Variants in HHIPL1 observed in about 807,000 individuals in gnomAD.
HHIPL1 encodes the protein HHIP-like protein 1.
HHIPL1 carries 43 observed loss-of-function variants against 61.8 expected under a neutral mutation model. The observed-to-expected ratio is 0.70, with a 90% CI of 0.55 to 0.90. The LOEUF (loss-of-function observed/expected upper bound fraction) is 0.90, where lower values mean the gene tolerates loss of function less well. Among genes scored for constraint, HHIPL1 ranks in the 40% least tolerant of loss-of-function variants. HHIPL1 has a pLI of 0.00. For missense variants in HHIPL1, 1,056 were observed against 1,157.7 expected (o/e 0.91, Z 1.28); for synonymous variants, 482 against 515.8 (o/e 0.93, Z 0.89).
At chr14:99,672,796 G>A (rs1281473668) in intron 8 of HHIPL1, among the ~76,000 whole-genome samples, 1 of 152,196 alleles carries the variant, frequency 6.6e-6, no homozygotes, top group East Asian at 1.9e-4. Flanking sequence ...AGACGACAGA[G>A]CAGGGCCACA....
rs2056414633 is a variant in HHIPL1, at chr14:99,678,832, C to A, written c.*3206C>A. 1 of 152,156 alleles carries A rather than the reference C, an allele frequency of 6.6e-6. No individual in the cohort carries two copies. The highest frequency in any genetic ancestry group is 1.5e-5 in the Non-Finnish European group (1 of 68,034). 9.4% of individuals were successfully genotyped at this position (152,156 alleles called of 1,614,324 possible). The stretch of plus-strand genomic sequence containing the variant: ...TTGACAAAGAGTTATTAGCATAAAG[C>A]AAGGAGGTTTGAAGGAAGTTCGTCT... On this transcript the variant is annotated 3_prime_UTR_variant, in exon 9 of 9. Coordinates refer to ENST00000330710, the MANE Select transcript of HHIPL1 (RefSeq NM_001127258.3).
chr14:99,614,291 T>C, the HHIPL1 span, among the ~76,000 whole-genome samples: 7 of 152,110 alleles, frequency 4.6e-5, no homozygotes, highest in East Asian at 1.4e-3. Flanking sequence ...GTCTGAAAAC[T>C]GAACTGAAGA....
the HHIPL1 span, among the ~76,000 whole-genome samples, chr14:99,638,267 C>A: frequency 4.6e-5 from 7 of 152,280 alleles, no homozygotes; most frequent in African/African-American, 9.6e-5. Context: ...CTAAGAGTGG[C>A]GGAGGAGGCC....
chr14:99,607,270 G>C, the HHIPL1 span, among the ~76,000 whole-genome samples: 1 of 151,916 alleles, frequency 6.6e-6, no homozygotes, highest in East Asian at 1.9e-4. Flanking sequence ...AAACTCCTGT[G>C]CTCAAGCAAT....
chr14:99,669,697 G>A (rs992046930), intron 7 of HHIPL1, among the ~76,000 whole-genome samples: 9 of 151,644 alleles, frequency 5.9e-5, no homozygotes, highest in Non-Finnish European at 1.0e-4. Flanking sequence ...GGCTGAAGTC[G>A]GAGAGTTTCA....
intron 7 of HHIPL1, chr14:99,669,390 G>A: frequency 1.1e-6 from 1 of 947,874 alleles, no homozygotes. Flanking sequence ...CGCAAGGCCT[G>A]AGGTTGCACT....
At chr14:99,671,935 C>T (rs373911027) in intron 7 of HHIPL1, among the ~76,000 whole-genome samples, 2 of 152,220 alleles carry the variant, frequency 1.3e-5, no homozygotes, top group East Asian at 3.9e-4. Context: ...GAGAGGGTGG[C>T]GGGCAGGAAT....
In HHIPL1 at chr14:99,660,137, TG is replaced by T; in HGVS notation, c.1376-142del. On this transcript the variant is annotated intron_variant, in intron 4 of 8. Coordinates refer to ENST00000330710, the MANE Select transcript of HHIPL1 (RefSeq NM_001127258.3). This position sits in a 1 kb window ranked among gnomAD's most constrained non-coding sequence, Gnocchi z 4.9. ...GACACGCTTTCCACCACGCCAGCCC[TG>T]CTGTGGGCACGCCAGCCCTGCTGTG... 7.1e-5 allele frequency: 48 copies of T among 673,388 alleles called. 2 individuals carry two copies. The highest frequency in any genetic ancestry group is 5.7e-4 in the Middle Eastern group (1 of 1,744). The allele number at this position is 673,388 out of a possible 1,614,324, so 41.7% of individuals were successfully genotyped here.
the HHIPL1 span, among the ~76,000 whole-genome samples, chr14:99,634,049 G>A: frequency 6.6e-6 from 1 of 152,202 alleles, no homozygotes; most frequent in African/African-American, 2.4e-5. Context: ...ACTCGGTGGT[G>A]AGGAAAGGGA....
At chr14:99,612,162 G>A in the HHIPL1 span, among the ~76,000 whole-genome samples, 229 of 152,304 alleles carry the variant, frequency 1.5e-3, 6 homozygotes, top group Middle Eastern at 0.017. Context: ...TACCAATCAC[G>A]GTGGCAGGAG....
the HHIPL1 span, among the ~76,000 whole-genome samples, chr14:99,636,067 C>G: frequency 2.0e-5 from 3 of 152,104 alleles, no homozygotes; most frequent in Non-Finnish European, 4.4e-5. Flanking sequence ...GCACTGGGTT[C>G]AAATCCGGAC....
intron 1 of HHIPL1, among the ~76,000 whole-genome samples, chr14:99,651,225 G>C (rs2055925013): frequency 2.6e-5 from 4 of 152,238 alleles, no homozygotes; most frequent in African/African-American, 9.6e-5. Context: ...TTCCAGCCTT[G>C]GTGACAGAGA....
At chr14:99,610,843 T>C in the HHIPL1 span, among the ~76,000 whole-genome samples, 7 of 152,250 alleles carry the variant, frequency 4.6e-5, no homozygotes, top group East Asian at 1.3e-3. Context: ...AGCGTGCTTC[T>C]GCCCTCATTA....
chr14:99,659,547 A>G lies in HHIPL1; in HGVS notation c.1166A>G (p.Tyr389Cys), dbSNP rs201754906. Residue 389 changes from tyrosine (Y) to cysteine (C), a missense_variant, in exon 4 of 9, where the codon TAC becomes TGC. Tyr to Cys is a radical substitution (Grantham distance 194). Transcript: ENST00000330710. ...GACCCCGCGGCGCAGCCCGAGGTCT[A>G]CGCCCTGGGCGTGCGCAACATGTGG... ...VGDPAAQPEVYALGVRNMWRC... is the reference protein window; with the variant it reads ...VGDPAAQPEVCALGVRNMWRC... 8 of 1,547,998 alleles carry G rather than the reference A, an allele frequency of 5.2e-6. No individual in the cohort carries two copies. Among genetic ancestry groups the G allele is most frequent in the Non-Finnish European group, 6.1e-6 (7 of 1,150,528 alleles).
At position 99,675,300 on chromosome 14, in the gene HHIPL1, C is replaced by T; in HGVS notation, c.2023C>T (p.Leu675=). The T allele has an allele frequency of 7.6e-7, 1 of 1,315,618 alleles. No individual in the cohort carries two copies. Among genetic ancestry groups the T allele is most frequent in the Non-Finnish European group, 9.7e-7 (1 of 1,033,310 alleles). The allele number at this position is 1,315,618 out of a possible 1,614,324, so 81.5% of individuals were successfully genotyped here. Residue 675 remains leucine, a synonymous_variant, in exon 9 of 9, where the codon CTG becomes TTG. Transcript: ENST00000330710. The surrounding 1 kb of genome is among the most constrained non-coding windows in gnomAD (Gnocchi z 5.4). ...GGCGTTCCGGGATGGCGAGGTGCGC[C>T]TGGTGCGGCCCGCGGGCCTGAGCTC... is the stretch of plus-strand genomic sequence containing the variant. ...SRAFRDGEVR[L]VRPAGLSSGS...
At chr14:99,645,723 G>T (rs548009577) in intron 1 of HHIPL1, among the ~76,000 whole-genome samples, 1 of 152,362 alleles carries the variant, frequency 6.6e-6, no homozygotes, top group African/African-American at 2.4e-5. Flanking sequence ...CGGACGGACG[G>T]ACAGATGATG....
chr14:99,664,671 C>G (rs2056213553), intron 6 of HHIPL1, among the ~76,000 whole-genome samples: 1 of 152,188 alleles, frequency 6.6e-6, no homozygotes, highest in African/African-American at 2.4e-5. Flanking sequence ...AATTACAAAA[C>G]AAGTACCTCT....
the HHIPL1 span, among the ~76,000 whole-genome samples, chr14:99,612,908 C>T: frequency 6.6e-6 from 1 of 152,192 alleles, no homozygotes; most frequent in Non-Finnish European, 1.5e-5. Context: ...CAAAGCCGCC[C>T]CACCTGGCCC....
the HHIPL1 span, among the ~76,000 whole-genome samples, chr14:99,613,420 G>C: frequency 6.6e-6 from 1 of 151,518 alleles, no homozygotes; most frequent in Non-Finnish European, 1.5e-5. Context: ...CGACCTCCTG[G>C]GCTCAAGCAA....
Sources: gnomAD v4.1 joint callset for allele counts (sites outside exome capture counted in the v4.1 genomes callset) on GRCh38, gnomAD v4.1.1 for gene constraint, Gnocchi (gnomAD v3.1) non-coding constraint, MANE v1.5 for transcripts, NCBI Gene and HGNC (gene_info 2026-07-23, HGNC 2026-07-21) for gene names.